Variants in ITGB5 observed in about 807,000 individuals in gnomAD.
ITGB5 encodes the protein integrin subunit beta 5.
In ITGB5, 38 loss-of-function variants were observed where a neutral mutation model predicts 84.8. That is an observed-to-expected ratio of 0.45 (90% confidence interval 0.35 to 0.59). The LOEUF is 0.59. Ranked by LOEUF, ITGB5 falls within the 20% of genes least tolerant of loss-of-function variation. ITGB5 has a pLI of 0.01. For missense variants in ITGB5, 905 were observed against 1,034.5 expected (o/e 0.87, Z 1.72); for synonymous variants, 393 against 414.4 (o/e 0.95, Z 0.63).
At chr3:124,852,744 G>C (rs1021947857) in intron 3 of ITGB5, among the ~76,000 whole-genome samples, 5 of 152,070 alleles carry the variant, frequency 3.3e-5, no homozygotes, top group African/African-American at 1.2e-4. Context: ...CTAGAGTACA[G>C]TGGCACAACC....
Position 124,764,611 on chromosome 3 carries a change from TCA to T in ITGB5, c.2138-56_2138-55del. 3 of 1,542,278 alleles carry T rather than the reference TCA, an allele frequency of 1.9e-6. No homozygotes were observed. The South Asian group carries it at 3.5e-5, about 18-fold the overall frequency. ...AGCCACTAGCATCACCATGCCCCTC[TCA>T]CGCAACTGCAGGCATTTCTGAGATG... is the stretch of plus-strand genomic sequence containing the variant. On this transcript the variant is annotated intron_variant, in intron 13 of 14. Transcript: ENST00000296181.
intron 1 of ITGB5, among the ~76,000 whole-genome samples, chr3:124,886,010 A>T (rs1410712481): frequency 6.6e-6 from 1 of 152,314 alleles, no homozygotes; most frequent in African/African-American, 2.4e-5. Flanking sequence ...GAAAGGAGAA[A>T]ATCCGCATCC....
chr3:124,865,343 T>C (rs552860516), intron 2 of ITGB5, among the ~76,000 whole-genome samples: 1 of 152,206 alleles, frequency 6.6e-6, no homozygotes, highest in African/African-American at 2.4e-5. Context: ...ATGCTCCCCA[T>C]GCTCTATGCT....
At chr3:124,878,941 T>C (rs1415202887) in intron 1 of ITGB5, among the ~76,000 whole-genome samples, 1 of 152,212 alleles carries the variant, frequency 6.6e-6, no homozygotes, top group Non-Finnish European at 1.5e-5. Context: ...ATAGTGACTA[T>C]TCCCAGCTCG....
upstream of ITGB5, among the ~76,000 whole-genome samples, chr3:124,890,146 G>A (rs773419200): frequency 6.6e-5 from 10 of 151,786 alleles, no homozygotes; most frequent in Non-Finnish European, 1.0e-4. Context: ...TGGAGTCCTG[G>A]AAACTGGGTA....
intron 4 of ITGB5, among the ~76,000 whole-genome samples, chr3:124,846,708 T>C (rs1319454395): frequency 6.6e-6 from 1 of 152,032 alleles, no homozygotes; most frequent in Non-Finnish European, 1.5e-5. Context: ...CTGAGGTGGA[T>C]GGGTCGCTTG....
intron 3 of ITGB5, among the ~76,000 whole-genome samples, chr3:124,855,680 G>T (rs1343371014): frequency 6.6e-6 from 1 of 152,068 alleles, no homozygotes; most frequent in Non-Finnish European, 1.5e-5. Context: ...GAGGCAGTCA[G>T]CTCCTCCAAC....
chr3:124,872,305 CT>C (rs1297477267), intron 2 of ITGB5, among the ~76,000 whole-genome samples: 3 of 152,274 alleles, frequency 2.0e-5, no homozygotes, highest in Admixed American at 2.0e-4. Context: ...CTTTGGCACA[CT>C]TGTGTGACCT....
intron 1 of ITGB5, among the ~76,000 whole-genome samples, chr3:124,886,011 A>G (rs1007856): frequency 0.46 from 69,352 of 151,984 alleles, 16,174 homozygotes; most frequent in East Asian, 0.67. Context: ...AAAGGAGAAA[A>G]TCCGCATCCC....
intron 2 of ITGB5, among the ~76,000 whole-genome samples, 172 bp from the exon 3 acceptor site, chr3:124,859,618 T>C (rs2107618323): frequency 6.6e-6 from 1 of 152,342 alleles, no homozygotes; most frequent in Middle Eastern, 3.4e-3. Flanking sequence ...CACCAAGTAT[T>C]GTAAGGATTA....
intron 5 of ITGB5, among the ~76,000 whole-genome samples, chr3:124,828,312 T>C (rs1329272952): frequency 1.3e-5 from 2 of 152,224 alleles, no homozygotes; most frequent in South Asian, 2.1e-4. Flanking sequence ...ACATAAACTG[T>C]TGCATATCTA....
At chr3:124,814,545 T>C (rs1264835397) in intron 8 of ITGB5, among the ~76,000 whole-genome samples, 3 of 150,722 alleles carry the variant, frequency 2.0e-5, no homozygotes, top group Non-Finnish European at 1.5e-5. Context: ...GATACAATCA[T>C]AGCTCACTGC....
At chr3:124,773,636 C>A in intron 11 of ITGB5, 54 bp downstream of exon 11, 2 of 1,560,238 alleles carry the variant, frequency 1.3e-6, no homozygotes, top group Non-Finnish European at 1.8e-6. Flanking sequence ...CCTGGCTGGA[C>A]CACAGGCCTG....
At chr3:124,794,229 G>T (rs945256673) in intron 10 of ITGB5, among the ~76,000 whole-genome samples, 1 of 152,188 alleles carries the variant, frequency 6.6e-6, no homozygotes, top group African/African-American at 2.4e-5. Context: ...CATGGTGTTA[G>T]ATAAACTTTG....
intron 10 of ITGB5, among the ~76,000 whole-genome samples, chr3:124,778,325 A>G (rs1381407961): frequency 6.6e-6 from 1 of 152,252 alleles, no homozygotes; most frequent in Non-Finnish European, 1.5e-5. Context: ...ATAGAATTCA[A>G]CAGCTTTCCA....
In ITGB5 at chr3:124,848,336, G is replaced by A. The variant is rs137996041; in HGVS notation, c.584C>T (p.Pro195Leu). ...AATGCACGGATTGGTCTGGTACCTC[G>A]GTGCCGTGTAGGAGAAAGGAGAGAT... ...KDISPFSYTA[P>L]RYQTNPCIGY... Residue 195 changes from proline to leucine, a missense_variant, in exon 4 of 15, where the codon CCG becomes CTG. Pro to Leu is a moderately conservative substitution (Grantham distance 98). Coordinates refer to ENST00000296181, the MANE Select transcript of ITGB5 (RefSeq NM_002213.5). 1.5e-5 allele frequency: 24 copies of A among 1,614,100 alleles called. No individual in the cohort carries two copies. Among genetic ancestry groups the A allele is most frequent in the East Asian group, 2.2e-5 (1 of 44,888 alleles).
At chr3:124,855,067 C>G (rs2065205208) in intron 3 of ITGB5, among the ~76,000 whole-genome samples, 2 of 152,138 alleles carry the variant, frequency 1.3e-5, no homozygotes, top group Admixed American at 1.3e-4. Flanking sequence ...AATCCCAGTA[C>G]TTTGGGAGGC....
intron 5 of ITGB5, among the ~76,000 whole-genome samples, chr3:124,830,046 T>C (rs1222817393): frequency 2.0e-5 from 3 of 152,182 alleles, no homozygotes; most frequent in Admixed American, 2.0e-4. Context: ...GCTTGTTCAC[T>C]TCCAACATCT....
At chr3:124,834,539 G>A (rs1173557029) in intron 5 of ITGB5, among the ~76,000 whole-genome samples, 1 of 35,868 alleles carries the variant, frequency 2.8e-5, no homozygotes, top group African/African-American at 1.3e-4. Context: ...AGGAAGGGGA[G>A]GGAGGGGAGG....
Sources: allele counts gnomAD v4.1 joint callset (sites outside exome capture counted in the v4.1 genomes callset), GRCh38; gene constraint gnomAD v4.1.1; transcripts MANE v1.5; gene names NCBI Gene and HGNC (gene_info 2026-07-23, HGNC 2026-07-21).